The following GPN1 variants were observed in gnomAD, a reference collection of about 807,000 sequenced individuals.
GPN1 encodes the protein GPN-loop GTPase 1, also known as ATP(GTP)-binding protein.
GPN1 carries 44 observed loss-of-function variants against 55.9 expected under a neutral mutation model. That is an observed-to-expected ratio of 0.79 (90% CI 0.62 to 1.01). GPN1 has a LOEUF of 1.01. Among genes scored for constraint, GPN1 ranks in the 50% least tolerant of loss-of-function variants. GPN1 has a pLI of 0.00. For missense variants in GPN1, 466 were observed against 462.8 expected (o/e 1.01, Z -0.06); for synonymous variants, 179 against 162.5 (o/e 1.10, Z -0.77).
At chr2:27,628,526 G>A (rs1172875284), upstream of GPN1, 2 of 1,551,450 alleles carry the variant, frequency 1.3e-6, no homozygotes, top group African/African-American at 2.7e-5. Flanking sequence ...AGTGTGGAAA[G>A]CTCCCGTAGT....
At chr2:27,630,683 C>G (rs1235807811) in intron 2 of GPN1, among the ~76,000 whole-genome samples, 1 of 152,136 alleles carries the variant, frequency 6.6e-6, no homozygotes, top group East Asian at 1.9e-4. Flanking sequence ...TTTAAAAAAT[C>G]ATGTCTGCAT....
intron 5 of GPN1, 134 bp downstream of exon 5, chr2:27,632,804 T>C: frequency 1.6e-6 from 1 of 626,918 alleles, no homozygotes; most frequent in Middle Eastern, 2.8e-4. Flanking sequence ...AAAAAAAAAT[T>C]GGCAAATCAT....
intron 12 of GPN1, among the ~76,000 whole-genome samples, chr2:27,645,406 T>C (rs1674176054): frequency 6.6e-6 from 1 of 152,240 alleles, no homozygotes; most frequent in South Asian, 2.1e-4. Flanking sequence ...TATTTGGCTG[T>C]CCTTACATGT....
intron 12 of GPN1, among the ~76,000 whole-genome samples, chr2:27,644,553 T>A (rs13418965): frequency 0.057 from 8,690 of 152,136 alleles, 681 homozygotes; most frequent in African/African-American, 0.18. Flanking sequence ...TTTTTTTTTA[T>A]AGATTTGTCT....
In GPN1 at chr2:27,643,053, T is replaced by G. The variant is rs2148077612; in HGVS notation, c.931+534T>G. The stretch of plus-strand genomic sequence containing the variant: ...GGATTTGGAAAGGCAAATTTGAAAT[T>G]ATATACAGCTCTACCACTTTGGGTT... On this transcript the variant is annotated intron_variant, in intron 12 of 13. Coordinates refer to ENST00000610189, the MANE Select transcript of GPN1 (RefSeq NM_007266.4). This position sits in a 1 kb window ranked among gnomAD's most constrained non-coding sequence, Gnocchi z 4.0. Among the ~76,000 whole-genome samples the G allele has an allele frequency of 6.6e-6, 1 of 151,456 alleles. No individual in the cohort carries two copies. The highest frequency in any genetic ancestry group is 1.9e-4 in the East Asian group (1 of 5,138).
chr2:27,635,298 C>T (rs1283012274), intron 7 of GPN1, 64 bp downstream of exon 7: 11 of 445,226 alleles, frequency 2.5e-5, no homozygotes, highest in East Asian at 1.0e-4. Context: ...CTTCTTCTTC[C>T]TCTTTTTTTT....
At chr2:27,646,895 A>G (rs1674258690) in intron 12 of GPN1, among the ~76,000 whole-genome samples, 1 of 152,162 alleles carries the variant, frequency 6.6e-6, no homozygotes, top group Admixed American at 6.5e-5. Context: ...AGCTCAGCAA[A>G]ATACATTTCT....
chr2:27,647,258 C>T (rs1674282115), intron 12 of GPN1, among the ~76,000 whole-genome samples: 1 of 152,178 alleles, frequency 6.6e-6, no homozygotes, highest in Admixed American at 6.5e-5. Flanking sequence ...CTTGATTAGA[C>T]TTCTCTCTGA....
At position 27,638,972 on chromosome 2, in the gene GPN1, GTCAGTAACCTGAC is replaced by G. The variant is rs750417791; in HGVS notation, c.661_673del (p.Ser221ValfsTer3). ...TGCCTTGAATCAAGAGACTACATAC[GTCAGTAACCTGAC>G]TCGTTCAATGAGCCTGGTGTTAGAT... On this transcript the variant is annotated frameshift_variant, in exon 9 of 14. Coordinates refer to ENST00000610189, the MANE Select transcript of GPN1 (RefSeq NM_007266.4). LOFTEE classifies it high-confidence loss of function. 1 of 1,613,442 alleles carries G rather than the reference GTCAGTAACCTGAC, an allele frequency of 6.2e-7. No homozygotes were observed. The highest frequency in any genetic ancestry group is 1.7e-5 in the Admixed American group (1 of 59,986).
In GPN1 at chr2:27,632,645, A is replaced by G; in HGVS notation, c.325A>G (p.Ile109Val). 6.2e-7 allele frequency: 1 copy of G among 1,601,566 alleles called. No homozygotes were observed. Among genetic ancestry groups the G allele is most frequent in the Non-Finnish European group, 8.6e-7 (1 of 1,168,624 alleles). Residue 109 changes from isoleucine to valine, a missense_variant, in exon 5 of 14, where the codon ATT becomes GTT. Ile to Val is a conservative substitution (Grantham distance 29, BLOSUM62 3). Coordinates refer to ENST00000610189, the MANE Select transcript of GPN1 (RefSeq NM_007266.4). Reference protein sequence around the residue: ...ATRFDQVMKFIEKAQNMSKYV... With the variant: ...ATRFDQVMKFVEKAQNMSKYV... ...CTTTTTCTTTTAGGTGATGAAATTT[A>G]TTGAGAAGGCCCAGAACATGTCCAA...
At chr2:27,645,278 TTTTTC>T (rs1360736787) in intron 12 of GPN1, among the ~76,000 whole-genome samples, 4 of 152,154 alleles carry the variant, frequency 2.6e-5, no homozygotes, top group Non-Finnish European at 5.9e-5. Context: ...GCCCATTTTT[TTTTTC>T]TTTTAACTTG....
At chr2:27,649,629 G>A (rs551442078) in intron 13 of GPN1, among the ~76,000 whole-genome samples, 206 of 152,092 alleles carry the variant, frequency 1.4e-3, no homozygotes, top group African/African-American at 4.8e-3. Context: ...TAGAATCACA[G>A]TATTTAGCCT....
At chr2:27,640,634 C>T (rs1387426431) in intron 10 of GPN1, among the ~76,000 whole-genome samples, 2 of 152,214 alleles carry the variant, frequency 1.3e-5, no homozygotes, top group Non-Finnish European at 1.5e-5. Context: ...AATGTTATAA[C>T]TATTGTCATT....
intron 12 of GPN1, among the ~76,000 whole-genome samples, chr2:27,642,974 C>T (rs1452842310): frequency 3.3e-5 from 5 of 151,016 alleles, no homozygotes. Flanking sequence ...CACACACACA[C>T]ACACACACAC....
intron 12 of GPN1, among the ~76,000 whole-genome samples, chr2:27,642,747 A>G (rs1243827262): frequency 1.3e-5 from 2 of 151,738 alleles, no homozygotes; most frequent in Non-Finnish European, 1.5e-5. Context: ...TATTTTTAGT[A>G]GAGATGGGGT....
chr2:27,642,958 T>TAAAC (rs10643705), intron 12 of GPN1, among the ~76,000 whole-genome samples: 6 of 122,610 alleles, frequency 4.9e-5, no homozygotes, highest in Non-Finnish European at 1.0e-4. Context: ...TATATATATA[T>TAAAC]ACACACACAC....
chr2:27,640,543 A>C (rs546174831), intron 10 of GPN1, among the ~76,000 whole-genome samples: 1 of 152,382 alleles, frequency 6.6e-6, no homozygotes, highest in South Asian at 2.1e-4. Flanking sequence ...TGGATTTGGC[A>C]CTAAGGTTGT....
At chr2:27,644,137 T>A (rs1156305503) in intron 12 of GPN1, among the ~76,000 whole-genome samples, 1 of 152,208 alleles carries the variant, frequency 6.6e-6, no homozygotes, top group African/African-American at 2.4e-5. Flanking sequence ...ATCGCGCCAC[T>A]GCACTCCAGC....
At chr2:27,634,354 G>A (rs963785591) in intron 5 of GPN1, among the ~76,000 whole-genome samples, 5 of 152,026 alleles carry the variant, frequency 3.3e-5, no homozygotes, top group South Asian at 2.1e-4. Flanking sequence ...ACCCATTTAA[G>A]GTATACAATT....
Sources: gnomAD v4.1 joint callset for allele counts (sites outside exome capture counted in the v4.1 genomes callset) on GRCh38, gnomAD v4.1.1 for gene constraint, Gnocchi (gnomAD v3.1) non-coding constraint, MANE v1.5 for transcripts, NCBI Gene and HGNC (gene_info 2026-07-23, HGNC 2026-07-21) for gene names.